Variants in AMPH observed in about 807,000 individuals in gnomAD.
AMPH encodes amphiphysin (Stiff-Mann syndrome with breast cancer 128kD autoantigen).
Under a neutral mutation model 99.1 loss-of-function variants are expected in AMPH, and 49 were observed. That is an observed-to-expected ratio of 0.49 (90% CI 0.39 to 0.63). The LOEUF (loss-of-function observed/expected upper bound fraction) is 0.63, where lower values mean the gene tolerates loss of function less well. Ranked by LOEUF, AMPH falls within the 20% of genes least tolerant of loss-of-function variation. The pLI, the probability that AMPH is intolerant of heterozygous loss-of-function variation, is 0.00. For synonymous variants in AMPH, 314 were observed against 317.3 expected (o/e 0.99, Z 0.11); for missense variants, 759 against 863.4 (o/e 0.88, Z 1.52).
At chr7:38,467,058 T>C (rs968622664) in intron 7 of AMPH, among the ~76,000 whole-genome samples, 15 of 152,334 alleles carry the variant, frequency 9.8e-5, no homozygotes, top group Middle Eastern at 3.4e-3. Context: ...TTCATATGCA[T>C]ACAAATACAC....
At position 38,591,923 on chromosome 7, in the gene AMPH, G is replaced by GAC. The variant is rs1792871956; in HGVS notation, c.69+39358_69+39359dup. Among the ~76,000 whole-genome samples, 5 of 152,182 alleles carry GAC rather than the reference G, an allele frequency of 3.3e-5. No individual in the cohort carries two copies. The South Asian group carries it at 1.0e-3, about 31-fold the overall frequency. Reference sequence around the variant, plus strand: ...ACCCAGCAGCGCTAGAGGAGTTAAAGACACACACACAGAAATATAGCATGT... The same window carrying GAC: ...ACCCAGCAGCGCTAGAGGAGTTAAAGACACACACACACAGAAATATAGCATGT... On this transcript the variant is annotated intron_variant, in intron 1 of 20. Transcript: ENST00000356264.
intron 1 of AMPH, among the ~76,000 whole-genome samples, chr7:38,607,291 T>C (rs9986767): frequency 0.072 from 11,033 of 152,224 alleles, 666 homozygotes; most frequent in African/African-American, 0.14. Flanking sequence ...CCACCCAATA[T>C]GAAAGCAACT....
At chr7:38,446,497 A>G (rs1786787714) in intron 11 of AMPH, among the ~76,000 whole-genome samples, 1 of 152,202 alleles carries the variant, frequency 6.6e-6, no homozygotes, top group African/African-American at 2.4e-5. Flanking sequence ...ACATTAATGA[A>G]TTTCGTAATC....
chr7:38,476,220 T>A (rs1042277486), intron 6 of AMPH, among the ~76,000 whole-genome samples: 2 of 152,188 alleles, frequency 1.3e-5, no homozygotes, highest in Non-Finnish European at 2.9e-5. Flanking sequence ...ATTGTGAGGA[T>A]CTTTTATGCT....
At position 38,384,704 on chromosome 7, in the gene AMPH, G is replaced by T. The variant is rs1784303171; in HGVS notation, c.*114C>A. The T allele has an allele frequency of 1.2e-6, 1 of 852,658 alleles. No individual in the cohort carries two copies. The highest frequency in any genetic ancestry group is 2.5e-5 in the East Asian group (1 of 40,658). The allele number at this position is 852,658 out of a possible 1,614,324, so 52.8% of individuals were successfully genotyped here. ...CCATTGATACATCTTCCCAAGGTTT[G>T]TCTGGCATCAGTCTGTAAATCATTA... On this transcript the variant is annotated 3_prime_UTR_variant, in exon 21 of 21. Transcript: ENST00000356264.
rs1231807873 is a variant in AMPH at position 38,536,464 on chromosome 7, T to C, written c.70-1453A>G. Among the ~76,000 whole-genome samples the C allele has an allele frequency of 1.3e-5, 2 of 152,334 alleles. 1 individual carries two copies. ...ATGCAGATTTCTTCAAGAGGTCAAT[T>C]TTCTTCGGAGCAAAAGTAATTATTC... On this transcript the variant is annotated intron_variant, in intron 1 of 20. Transcript: ENST00000356264.
chr7:38,465,537 G>T lies in AMPH; in HGVS notation c.679C>A (p.Leu227Met). Residue 227 changes from leucine (L) to methionine (M), a missense_variant, in exon 9 of 21, where the codon CTG (leucine) becomes ATG (methionine). Coordinates refer to ENST00000356264, the MANE Select transcript of AMPH (RefSeq NM_001635.4). ...CCCAGTTTTGTCATCACTTCATACA[G>T]TTTGTGGCAAAGCTAAGGGGACAGA... ...HKEIAVLCHK[L>M]YEVMTKLGDQ... 1.3e-6 allele frequency: 2 copies of T among 1,582,590 alleles called. No homozygotes were observed. The highest frequency in any genetic ancestry group is 1.7e-6 in the Non-Finnish European group (2 of 1,162,426).
chr7:38,427,120 T>G (rs1181867885), intron 14 of AMPH, 134 bp from the exon 15 acceptor site: 6 of 730,554 alleles, frequency 8.2e-6, no homozygotes, highest in Non-Finnish European at 1.3e-5. Flanking sequence ...TTGCTGTGCA[T>G]GAAAGAACTT....
At chr7:38,522,198 T>C (rs1176465319) in intron 2 of AMPH, among the ~76,000 whole-genome samples, 2 of 152,338 alleles carry the variant, frequency 1.3e-5, no homozygotes, top group Middle Eastern at 3.4e-3. Context: ...TGCCATCCTA[T>C]TAAAGCCTAA....
At chr7:38,446,372 G>C (rs1786781865) in intron 11 of AMPH, among the ~76,000 whole-genome samples, 1 of 152,164 alleles carries the variant, frequency 6.6e-6, no homozygotes, top group African/African-American at 2.4e-5. Flanking sequence ...AGTGCTTATA[G>C]TGCCTTTGTT....
chr7:38,596,090 G>A (rs1051656399), intron 1 of AMPH, among the ~76,000 whole-genome samples: 4 of 152,130 alleles, frequency 2.6e-5, no homozygotes, highest in African/African-American at 7.2e-5. Flanking sequence ...TAATAAGATT[G>A]CTGGGTCAAA....
chr7:38,568,752 T>C (rs1562832746), intron 1 of AMPH, among the ~76,000 whole-genome samples: 1 of 152,150 alleles, frequency 6.6e-6, no homozygotes, highest in African/African-American at 2.4e-5. Flanking sequence ...CATGACTGAC[T>C]TACCACACCT....
In AMPH at chr7:38,418,946, C is replaced by T. The variant is rs535667109; in HGVS notation, c.1273-996G>A. Among the ~76,000 whole-genome samples, 50 of 152,120 alleles carry T rather than the reference C, an allele frequency of 3.3e-4. 1 individual carries two copies. The highest frequency in any genetic ancestry group is 1.2e-3 in the African/African-American group (49 of 41,470). ...GCACCACAGCCAATGCATGTTACTA[C>T]AAATACTGAAAATATTCCTTCTTTT... On this transcript the variant is annotated intron_variant, in intron 16 of 20. Transcript: ENST00000356264.
intron 9 of AMPH, chr7:38,464,215 T>A: frequency 7.8e-6 from 8 of 1,023,934 alleles, no homozygotes; most frequent in Non-Finnish European, 1.1e-5. Context: ...TTTGTCCCTT[T>A]CATTTCCATG....
intron 1 of AMPH, among the ~76,000 whole-genome samples, chr7:38,548,704 C>T (rs1262144218): frequency 6.6e-6 from 1 of 152,100 alleles, no homozygotes; most frequent in Non-Finnish European, 1.5e-5. Context: ...TAGTGAAATG[C>T]AGATTTTATA....
Position 38,583,929 on chromosome 7 carries a change from T to G in AMPH, c.69+47354A>C, listed in dbSNP as rs79432210. Among the ~76,000 whole-genome samples the G allele has an allele frequency of 4.7e-3, 709 of 152,328 alleles. 10 individuals are homozygous for G. Among genetic ancestry groups the G allele is most frequent in the African/African-American group, 0.016 (660 of 41,568 alleles). Reference sequence around the variant, plus strand: ...CATTGCCATTGACACATCTCTGAACTTACTGAGTTCTGCTCTATAATGACA... The same window carrying G: ...CATTGCCATTGACACATCTCTGAACGTACTGAGTTCTGCTCTATAATGACA... On this transcript the variant is annotated intron_variant, in intron 1 of 20. Transcript: ENST00000356264.
chr7:38,609,142 G>A (rs1336108240), intron 1 of AMPH, among the ~76,000 whole-genome samples: 1 of 152,090 alleles, frequency 6.6e-6, no homozygotes, highest in Non-Finnish European at 1.5e-5. Context: ...GCTGAAATCA[G>A]CTCTCTGTGT....
chr7:38,426,934 T>C lies in AMPH; in HGVS notation c.1215+20A>G, dbSNP rs968926150. ...CATCATTCTCAGCAGATGGATCTTG[T>C]AAGAAAACAGATTCCTTACCTGTGT... On this transcript the variant is annotated intron_variant, in intron 15 of 20. Transcript: ENST00000356264. 6.2e-7 allele frequency: 1 copy of C among 1,611,352 alleles called. No homozygotes were observed. The highest frequency in any genetic ancestry group is 1.3e-5 in the African/African-American group (1 of 74,964).
chr7:38,567,821 TAA>T (rs1791801431), intron 1 of AMPH, among the ~76,000 whole-genome samples: 1 of 152,176 alleles, frequency 6.6e-6, no homozygotes, highest in African/African-American at 2.4e-5. Flanking sequence ...ACCTCCATAG[TAA>T]TAATAATAAT....
Sources: gnomAD v4.1 joint callset for allele counts (sites outside exome capture counted in the v4.1 genomes callset) on GRCh38, gnomAD v4.1.1 for gene constraint, MANE v1.5 for transcripts, NCBI Gene and HGNC (gene_info 2026-07-23, HGNC 2026-07-21) for gene names.